Variants in BABAM2 observed in about 807,000 individuals in gnomAD.
BABAM2 encodes BRISC and BRCA1-A complex member 2.
BABAM2 carries 31 observed loss-of-function variants against 54.7 expected under a neutral mutation model. The ratio of observed to expected loss-of-function variants is 0.57; its 90% confidence interval spans 0.43 to 0.77. The LOEUF is 0.77. Ranked by LOEUF, BABAM2 falls within the 30% of genes least tolerant of loss-of-function variation. The pLI, the probability that BABAM2 is intolerant of heterozygous loss-of-function variation, is 0.00. For synonymous variants in BABAM2, 167 were observed against 162.9 expected (o/e 1.03, Z -0.19); for missense variants, 364 against 455.8 (o/e 0.80, Z 1.83).
chr2:28,130,660 C>T (rs187964125), intron 7 of BABAM2, among the ~76,000 whole-genome samples: 73 of 152,156 alleles, frequency 4.8e-4, no homozygotes, highest in African/African-American at 1.7e-3. Flanking sequence ...CGCTCTATTG[C>T]CCAGGCTAGT....
intron 6 of BABAM2, among the ~76,000 whole-genome samples, chr2:28,076,838 A>T (rs115644692): frequency 6.6e-6 from 1 of 151,990 alleles, no homozygotes; most frequent in Non-Finnish European, 1.5e-5. Context: ...TTATCATCTC[A>T]ATTTTCTCTT....
intron 6 of BABAM2, among the ~76,000 whole-genome samples, chr2:28,100,370 G>A (rs1261203619): frequency 6.8e-6 from 1 of 147,338 alleles, no homozygotes; most frequent in Non-Finnish European, 1.5e-5. Context: ...TGAAGCAGGA[G>A]AATCGCTTGA....
At chr2:28,310,875 C>A (rs979905362) in intron 11 of BABAM2, among the ~76,000 whole-genome samples, 6 of 151,560 alleles carry the variant, frequency 4.0e-5, no homozygotes, top group African/African-American at 1.2e-4. Flanking sequence ...CAGAGCAAGA[C>A]CCCGTCTCAA....
intron 2 of BABAM2, among the ~76,000 whole-genome samples, chr2:27,917,593 C>T (rs1667073988): frequency 6.6e-6 from 1 of 152,064 alleles, no homozygotes; most frequent in South Asian, 2.1e-4. Context: ...TATGAGGCCT[C>T]CGTTTTATGA....
At chr2:27,956,448 T>G (rs1461846054) in intron 3 of BABAM2, among the ~76,000 whole-genome samples, 1 of 152,204 alleles carries the variant, frequency 6.6e-6, no homozygotes, top group Non-Finnish European at 1.5e-5. Flanking sequence ...AACCAAATCT[T>G]TAGTCTCTAA....
At chr2:28,080,955 C>T (rs1459554119) in intron 6 of BABAM2, among the ~76,000 whole-genome samples, 1 of 152,142 alleles carries the variant, frequency 6.6e-6, no homozygotes, top group Non-Finnish European at 1.5e-5. Flanking sequence ...TAAGAACCTT[C>T]GTCTGGATCT....
At chr2:27,915,118 T>C (rs1353721755) in intron 2 of BABAM2, among the ~76,000 whole-genome samples, 1 of 152,194 alleles carries the variant, frequency 6.6e-6, no homozygotes, top group African/African-American at 2.4e-5. Flanking sequence ...ATTAAGTCTT[T>C]TCATGGTTGG....
chr2:28,182,638 G>A (rs186499064), intron 7 of BABAM2, among the ~76,000 whole-genome samples: 20 of 152,324 alleles, frequency 1.3e-4, no homozygotes, highest in South Asian at 2.1e-4. Flanking sequence ...CTTGAGAAGA[G>A]GACCTGCTAT....
intron 4 of BABAM2, chr2:28,016,598 C>T (rs548524155): frequency 7.2e-5 from 37 of 514,628 alleles, no homozygotes; most frequent in South Asian, 6.2e-4. Context: ...TCCCAGAATC[C>T]ACTGTGTTTT....
intron 7 of BABAM2, among the ~76,000 whole-genome samples, chr2:28,163,631 G>A (rs985943894): frequency 2.6e-4 from 40 of 152,114 alleles, no homozygotes; most frequent in Non-Finnish European, 5.0e-4. Context: ...GGAGTAAATC[G>A]GATGATAGAG....
Position 28,219,962 on chromosome 2 carries a change from TC to T in BABAM2, c.681-17239del, listed in dbSNP as rs1359408771. On this transcript the variant is annotated intron_variant, in intron 7 of 11. Coordinates refer to ENST00000379624, the MANE Select transcript of BABAM2 (RefSeq NM_199191.3). ...AAAATGATACTGGATGAGTTGTGGCTCAGTGCTGCTGTTTCCTGAATTTTGT... is the reference window on the plus strand; with the variant it reads ...AAAATGATACTGGATGAGTTGTGGCTAGTGCTGCTGTTTCCTGAATTTTGT... Among the ~76,000 whole-genome samples the T allele has an allele frequency of 3.3e-5, 5 of 152,330 alleles. No individual in the cohort carries two copies. In the South Asian group the frequency reaches 1.0e-3, roughly 32 times the overall value.
intron 7 of BABAM2, among the ~76,000 whole-genome samples, chr2:28,213,783 T>C (rs1415343259): frequency 6.6e-6 from 1 of 152,072 alleles, no homozygotes; most frequent in Non-Finnish European, 1.5e-5. Context: ...TTTCTTCCTT[T>C]ACTGGAACTC....
chr2:28,308,778 A>G (rs1294665877), intron 11 of BABAM2: 1 of 174,812 alleles, frequency 5.7e-6, no homozygotes. Flanking sequence ...AGCACTGACC[A>G]TAAAGTCAAG....
intron 10 of BABAM2, among the ~76,000 whole-genome samples, chr2:28,292,863 G>A (rs1042545249): frequency 6.6e-6 from 1 of 152,218 alleles, no homozygotes; most frequent in Admixed American, 6.5e-5. Context: ...TGAGAAGAAG[G>A]TTCTGCCCAT....
At chr2:28,292,296 G>C (rs531602558) in intron 10 of BABAM2, among the ~76,000 whole-genome samples, 1 of 152,138 alleles carries the variant, frequency 6.6e-6, no homozygotes, top group Non-Finnish European at 1.5e-5. Flanking sequence ...TTCAAGGATC[G>C]AACTGTCCCG....
chr2:27,935,982 G>A (rs898086596), intron 3 of BABAM2, among the ~76,000 whole-genome samples: 1 of 152,076 alleles, frequency 6.6e-6, no homozygotes, highest in African/African-American at 2.4e-5. Flanking sequence ...GCAGTGGTGC[G>A]ATCTTAGCTC....
intron 7 of BABAM2, among the ~76,000 whole-genome samples, chr2:28,151,648 C>A (rs1573693868): frequency 7.0e-6 from 1 of 143,698 alleles, no homozygotes; most frequent in East Asian, 2.0e-4. Flanking sequence ...TACAGTAATT[C>A]TTCAATAGTG....
intron 6 of BABAM2, among the ~76,000 whole-genome samples, chr2:28,058,160 A>G (rs948095458): frequency 3.9e-5 from 6 of 151,970 alleles, no homozygotes; most frequent in African/African-American, 1.2e-4. Flanking sequence ...AAAAGAAGCT[A>G]GACAGAAAGA....
chr2:27,965,113 T>C (rs905935751), intron 3 of BABAM2, among the ~76,000 whole-genome samples: 5 of 152,202 alleles, frequency 3.3e-5, no homozygotes, highest in Non-Finnish European at 7.3e-5. Flanking sequence ...CCTCTCTATG[T>C]CTGTTGTCCT....
Sources: gnomAD v4.1 joint callset for allele counts (sites outside exome capture counted in the v4.1 genomes callset) on GRCh38, gnomAD v4.1.1 for gene constraint, MANE v1.5 for transcripts, NCBI Gene and HGNC (gene_info 2026-07-23, HGNC 2026-07-21) for gene names.